ZFHX3: variants seen among roughly 807,000 people sequenced by gnomAD.
ZFHX3 encodes zinc finger homeobox 3.
Under a neutral mutation model 279.1 loss-of-function variants are expected in ZFHX3, and 42 were observed. The ratio of observed to expected loss-of-function variants is 0.15; its 90% CI spans 0.12 to 0.19. ZFHX3 has a LOEUF of 0.19. Ranked by LOEUF, ZFHX3 falls within the 10% of genes least tolerant of loss-of-function variation. The probability of loss-of-function intolerance (pLI) is 1.00; values close to 1 mark genes in which losing one functional copy is unlikely to be tolerated. For synonymous variants in ZFHX3, 2,293 were observed against 1,957.8 expected, an observed-to-expected ratio of 1.17 and a Z score of -4.52; for missense variants, 4,981 against 4,754.0, an observed-to-expected ratio of 1.05 and a Z score of -1.40.
chr16:73,726,432 T>C (rs552844232), intron 1 of ZFHX3, among the ~76,000 whole-genome samples: 1 of 152,206 alleles, frequency 6.6e-6, no homozygotes, highest in Non-Finnish European at 1.5e-5. Flanking sequence ...GACATGCCTT[T>C]GCTGTGGGGA....
At chr16:73,212,958 G>A (rs1020324975) in intron 5 of ZFHX3, among the ~76,000 whole-genome samples, 9 of 152,258 alleles carry the variant, frequency 5.9e-5, no homozygotes, top group African/African-American at 2.2e-4. Flanking sequence ...TAAACCCTTC[G>A]AACAACGTCA....
intron 2 of ZFHX3, among the ~76,000 whole-genome samples, chr16:73,633,556 G>A (rs1478214462): frequency 3.9e-5 from 6 of 152,170 alleles, no homozygotes; most frequent in Non-Finnish European, 1.5e-5. Context: ...TGGGTGGTGG[G>A]TATATGCGGT....
rs985418797 is a variant in ZFHX3 at position 73,690,547 on chromosome 16, T to C, written c.-1607-10307A>G. Among the ~76,000 whole-genome samples, 38 of 152,216 alleles carry C rather than the reference T, an allele frequency of 2.5e-4. 1 individual carries two copies. Among genetic ancestry groups the C allele is most frequent in the Non-Finnish European group, 1.5e-5 (1 of 68,036 alleles). On this transcript the variant is annotated intron_variant, in intron 1 of 17. Transcript: ENST00000641206. The stretch of plus-strand genomic sequence containing the variant: ...CTGCTGCAAAGTTTCCTCCCATCCC[T>C]TCATGCACTCCCTTTGCAATGTGAC...
chr16:73,359,944 CTAAG>C (rs1388759390), intron 3 of ZFHX3, among the ~76,000 whole-genome samples: 2 of 151,922 alleles, frequency 1.3e-5, no homozygotes, highest in African/African-American at 4.8e-5. Context: ...GGGTAGAAAA[CTAAG>C]TAAGAATTAC....
chr16:73,886,412 C>A (rs2030348139), intron 1 of ZFHX3, among the ~76,000 whole-genome samples: 1 of 152,140 alleles, frequency 6.6e-6, no homozygotes, highest in African/African-American at 2.4e-5. Flanking sequence ...TTTTTAAACA[C>A]AGGAGCAAAA....
At chr16:73,306,132 T>G (rs977930279) in intron 4 of ZFHX3, among the ~76,000 whole-genome samples, 1 of 152,208 alleles carries the variant, frequency 6.6e-6, no homozygotes, top group Non-Finnish European at 1.5e-5. Flanking sequence ...TACCTACTGT[T>G]CTACTGCGTA....
intron 9 of ZFHX3, chr16:72,791,288 GTTCC>G (rs1313276667): frequency 6.6e-6 from 1 of 152,252 alleles, no homozygotes; most frequent in Non-Finnish European, 1.5e-5. Flanking sequence ...ACACAAGTTT[GTTCC>G]TTCCCTCCCA....
Position 73,105,455 on chromosome 16 carries a change from A to ATTT in ZFHX3, c.-896-11858_-896-11857insAAA, listed in dbSNP as rs760586632. ...TATACACACACACACATATATATATATATTTTTTCCCCCAGGCCAGGCGTG... is the reference window on the plus strand; with the variant it reads ...TATACACACACACACATATATATATATTTTATTTTTTCCCCCAGGCCAGGCGTG... On this transcript the variant is annotated intron_variant, in intron 7 of 17. Coordinates refer to the ZFHX3 transcript ENST00000641206. 1.2e-3 allele frequency among the ~76,000 whole-genome samples: 83 copies of ATTT among 69,550 alleles called. 1 individual carries two copies. Among genetic ancestry groups the ATTT allele is most frequent in the African/African-American group, 5.7e-3 (76 of 13,362 alleles). 45.6% of individuals were successfully genotyped at this position (69,550 alleles called of 152,430 possible). A position where few individuals can be genotyped will look rare whatever the true frequency, so the allele number is the denominator to read the frequency against.
chr16:73,560,422 T>C (rs2020352431), intron 2 of ZFHX3, among the ~76,000 whole-genome samples: 1 of 152,202 alleles, frequency 6.6e-6, no homozygotes, highest in African/African-American at 2.4e-5. Context: ...GGCTGACTTT[T>C]AAATGCTCTT....
chr16:73,352,042 G>A (rs1366717186), intron 3 of ZFHX3, among the ~76,000 whole-genome samples: 1 of 152,232 alleles, frequency 6.6e-6, no homozygotes, highest in East Asian at 1.9e-4. Flanking sequence ...ATAGTGGCAA[G>A]CCTCAAAGAC....
At chr16:73,344,696 C>CAGAG (rs138767081) in intron 3 of ZFHX3, among the ~76,000 whole-genome samples, 3 of 149,762 alleles carry the variant, frequency 2.0e-5, no homozygotes, top group Non-Finnish European at 3.0e-5. Flanking sequence ...CAGAGAGAGA[C>CAGAG]AGAGAGAGAG....
chr16:73,582,324 T>G (rs941620226), intron 2 of ZFHX3, among the ~76,000 whole-genome samples: 1 of 151,852 alleles, frequency 6.6e-6, no homozygotes, highest in Non-Finnish European at 1.5e-5. Flanking sequence ...TGGGGTTGTC[T>G]AAACTTTATA....
At chr16:73,287,152 G>C (rs1457058412) in intron 4 of ZFHX3, among the ~76,000 whole-genome samples, 1 of 150,000 alleles carries the variant, frequency 6.7e-6, no homozygotes, top group East Asian at 2.0e-4. Flanking sequence ...GTGTGGCTGT[G>C]TGAGTGTGTG....
intron 1 of ZFHX3, among the ~76,000 whole-genome samples, chr16:73,783,962 A>T (rs1397343108): frequency 2.0e-5 from 3 of 152,182 alleles, no homozygotes; most frequent in African/African-American, 7.2e-5. Flanking sequence ...AACCTGTCAA[A>T]CCCTGGGTGT....
intron 5 of ZFHX3, among the ~76,000 whole-genome samples, chr16:73,152,742 G>A (rs1464023798): frequency 2.1e-4 from 18 of 84,634 alleles, no homozygotes; most frequent in Non-Finnish European, 2.2e-4. Context: ...GAGAGAGAGA[G>A]AAAAAAAATG....
At chr16:73,393,534 T>C (rs1198371057) in intron 3 of ZFHX3, among the ~76,000 whole-genome samples, 1 of 152,176 alleles carries the variant, frequency 6.6e-6, no homozygotes, top group Non-Finnish European at 1.5e-5. Context: ...ACAAAGGTAT[T>C]TGCGCTGTTC....
chr16:73,697,419 A>T (rs140583307), intron 1 of ZFHX3, among the ~76,000 whole-genome samples: 2 of 152,204 alleles, frequency 1.3e-5, no homozygotes, highest in African/African-American at 4.8e-5. Context: ...ACATATATTG[A>T]CCTGTCACTC....
intron 1 of ZFHX3, among the ~76,000 whole-genome samples, chr16:73,738,588 C>T (rs2053627915): frequency 6.6e-6 from 1 of 152,224 alleles, no homozygotes; most frequent in Non-Finnish European, 1.5e-5. Flanking sequence ...TCTGCCCTTT[C>T]TTTCTCAAAG....
At chr16:73,546,816 G>T (rs1463435328) in intron 2 of ZFHX3, among the ~76,000 whole-genome samples, 1 of 151,368 alleles carries the variant, frequency 6.6e-6, no homozygotes, top group African/African-American at 2.4e-5. Context: ...TTTAATCACA[G>T]TTGGGGGGTG....
Sources: gnomAD v4.1 joint callset for allele counts (sites outside exome capture counted in the v4.1 genomes callset) on GRCh38, gnomAD v4.1.1 for gene constraint, MANE v1.5 for transcripts, NCBI Gene and HGNC (gene_info 2026-07-23, HGNC 2026-07-21) for gene names.